The following PRDM16 variants were observed in gnomAD, a reference collection of about 807,000 sequenced individuals.
PRDM16 encodes histone-lysine N-methyltransferase PRDM16.
In PRDM16, 23 loss-of-function variants were observed where a neutral mutation model predicts 110.6. The ratio of observed to expected loss-of-function variants is 0.21; its 90% CI spans 0.15 to 0.29. The LOEUF (loss-of-function observed/expected upper bound fraction) is 0.29. Among genes scored for constraint, PRDM16 ranks in the 10% least tolerant of loss-of-function variants. The pLI, the probability that PRDM16 is intolerant of heterozygous loss-of-function variation, is 1.00. For synonymous variants in PRDM16, 799 were observed against 781.8 expected (o/e 1.02, Z -0.37); for missense variants, 1,615 against 1,794.3 (o/e 0.90, Z 1.81).
Position 3,433,931 on chromosome 1 carries a change from C to A in PRDM16, c.*120C>A. On this transcript the variant is annotated 3_prime_UTR_variant, in exon 17 of 17. Coordinates refer to ENST00000270722, the MANE Select transcript of PRDM16 (RefSeq NM_022114.4). ...TGGCCACTCCTCAGCATCCTCCCCA[C>A]CCACCATGGTTCATTCCGACTTTTC... is the stretch of plus-strand genomic sequence containing the variant. 1.0e-6 allele frequency: 1 copy of A among 997,572 alleles called. No homozygotes were observed. Among genetic ancestry groups the A allele is most frequent in the Non-Finnish European group, 1.5e-6 (1 of 688,280 alleles). The allele number at this position is 997,572 out of a possible 1,614,324, so 61.8% of individuals were successfully genotyped here.
chr1:3,172,658 T>G (rs1253813866), intron 1 of PRDM16, among the ~76,000 whole-genome samples: 1 of 152,198 alleles, frequency 6.6e-6, no homozygotes, highest in East Asian at 1.9e-4. Context: ...TGGAGGAAAC[T>G]TGAGGACCTT....
At chr1:3,070,262 C>T (rs1641716386) in intron 1 of PRDM16, among the ~76,000 whole-genome samples, 1 of 150,578 alleles carries the variant, frequency 6.6e-6, no homozygotes. Context: ...GCGCGCCCCG[C>T]CTGCCGCCAG....
intron 3 of PRDM16, among the ~76,000 whole-genome samples, chr1:3,257,586 C>T (rs1640078726): frequency 7.2e-4 from 1 of 1,380 alleles, no homozygotes; most frequent in Non-Finnish European, 1.2e-3. Flanking sequence ...CTGTTTGTTA[C>T]ATTGGCATAA....
At chr1:3,240,906 T>C (rs1394596497) in intron 2 of PRDM16, among the ~76,000 whole-genome samples, 2 of 152,254 alleles carry the variant, frequency 1.3e-5, no homozygotes, top group African/African-American at 4.8e-5. Flanking sequence ...CTCGCTTTTT[T>C]TGGCTAAAAC....
intron 1 of PRDM16, among the ~76,000 whole-genome samples, chr1:3,111,843 G>A (rs1038671623): frequency 1.4e-4 from 21 of 152,200 alleles, no homozygotes; most frequent in Admixed American, 2.6e-4. Context: ...ACAGCGCCAC[G>A]ATAATTCACT....
rs534485960 is a variant in PRDM16, at chr1:3,201,541, G to A, written c.387+15067G>A. On this transcript the variant is annotated intron_variant, in intron 2 of 16. Transcript: ENST00000270722. The surrounding 1 kb of genome is among the most constrained non-coding windows in gnomAD (Gnocchi z 4.1). ...GCAGTCATCAGGAATGATGTCAGCT[G>A]TGGGGAGGACAGGAGGGCCACCCGG... 7.2e-5 allele frequency among the ~76,000 whole-genome samples: 11 copies of A among 152,326 alleles called. No homozygotes were observed. Among genetic ancestry groups the A allele is most frequent in the Admixed American group, 2.0e-4 (3 of 15,306 alleles).
chr1:3,428,876 G>A (rs72851354), intron 14 of PRDM16, among the ~76,000 whole-genome samples: 3,069 of 152,328 alleles, frequency 0.02, 124 homozygotes, highest in African/African-American at 0.07. Flanking sequence ...CCAATCCAGC[G>A]GCACTGACGG....
At chr1:3,173,911 G>C (rs1344662442) in intron 1 of PRDM16, among the ~76,000 whole-genome samples, 1 of 152,246 alleles carries the variant, frequency 6.6e-6, no homozygotes, top group Non-Finnish European at 1.5e-5. Context: ...ACAGCCAGAG[G>C]GGCTGGCAAG....
chr1:3,168,426 A>G (rs1423127317), intron 1 of PRDM16, among the ~76,000 whole-genome samples: 1 of 147,910 alleles, frequency 6.8e-6, no homozygotes, highest in Non-Finnish European at 1.5e-5. Context: ...GGCTCTTTCC[A>G]ATCTTACAAC....
chr1:3,070,951 C>G (rs1641742101), intron 1 of PRDM16, among the ~76,000 whole-genome samples: 2 of 152,244 alleles, frequency 1.3e-5, no homozygotes, highest in African/African-American at 4.8e-5. Context: ...TTGGTGCGAA[C>G]AAGACCGGGC....
chr1:3,362,659 G>A (rs2100561574), intron 3 of PRDM16, among the ~76,000 whole-genome samples: 1 of 152,326 alleles, frequency 6.6e-6, no homozygotes, highest in Middle Eastern at 3.4e-3. Flanking sequence ...GAACTCTCTG[G>A]AAGCAGCTAC....
intron 3 of PRDM16, among the ~76,000 whole-genome samples, chr1:3,310,411 G>C (rs369475825): frequency 6.6e-6 from 1 of 152,168 alleles, no homozygotes; most frequent in African/African-American, 2.4e-5. Context: ...ACCCTGAGCC[G>C]TCTTTCAACG....
intron 2 of PRDM16, among the ~76,000 whole-genome samples, chr1:3,218,312 T>G (rs1407955532): frequency 1.3e-5 from 2 of 152,214 alleles, no homozygotes; most frequent in Non-Finnish European, 2.9e-5. Flanking sequence ...GCAGAAAGAA[T>G]TATTAGGCAT....
intron 3 of PRDM16, among the ~76,000 whole-genome samples, chr1:3,271,829 G>A (rs1455706674): frequency 6.6e-6 from 1 of 152,176 alleles, no homozygotes; most frequent in East Asian, 1.9e-4. Flanking sequence ...GCGGAGTCCT[G>A]GGCACAGGGC....
At chr1:3,344,957 A>C (rs1420907354) in intron 3 of PRDM16, among the ~76,000 whole-genome samples, 1 of 152,202 alleles carries the variant, frequency 6.6e-6, no homozygotes, top group East Asian at 1.9e-4. Context: ...TCCCTCATGC[A>C]TGAGCAATTC....
chr1:3,425,876 G>A lies in PRDM16; in HGVS notation c.3109+126G>A. The A allele has an allele frequency of 7.6e-7, 1 of 1,313,464 alleles. No individual in the cohort carries two copies. Among genetic ancestry groups the A allele is most frequent in the Non-Finnish European group, 1.0e-6 (1 of 954,362 alleles). 81.4% of individuals were successfully genotyped at this position (1,313,464 alleles called of 1,614,324 possible). A position where few individuals can be genotyped will look rare whatever the true frequency, so the allele number is the denominator to read the frequency against. ...AGGGCCACAGACTACCCCTCAGGAA[G>A]CCAACAGGCACCCCTCAAACCGTGG... is the stretch of plus-strand genomic sequence containing the variant. On this transcript the variant is annotated intron_variant, in intron 13 of 16. Coordinates refer to ENST00000270722, the MANE Select transcript of PRDM16 (RefSeq NM_022114.4). This position sits in a 1 kb window ranked among gnomAD's most constrained non-coding sequence, Gnocchi z 6.9.
chr1:3,135,074 T>C (rs1643409717), intron 1 of PRDM16, among the ~76,000 whole-genome samples: 2 of 152,208 alleles, frequency 1.3e-5, no homozygotes, highest in South Asian at 4.1e-4. Flanking sequence ...GGTCAGGGGC[T>C]TCTGGAAGGA....
chr1:3,417,359 T>C (rs1005441301), intron 10 of PRDM16, among the ~76,000 whole-genome samples: 1 of 152,254 alleles, frequency 6.6e-6, no homozygotes, highest in Non-Finnish European at 1.5e-5. Context: ...AGGTTGCTAT[T>C]GTAATTTTTC....
chr1:3,159,079 C>T (rs1008929661), intron 1 of PRDM16, among the ~76,000 whole-genome samples: 8 of 152,190 alleles, frequency 5.3e-5, no homozygotes, highest in Admixed American at 5.2e-4. Flanking sequence ...CAAGATTTTT[C>T]TTTAGGAAGT....
Sources: gnomAD v4.1 joint callset for allele counts (sites outside exome capture counted in the v4.1 genomes callset) on GRCh38, gnomAD v4.1.1 for gene constraint, Gnocchi (gnomAD v3.1) non-coding constraint, MANE v1.5 for transcripts, NCBI Gene and HGNC (gene_info 2026-07-23, HGNC 2026-07-21) for gene names.